IGF2BP2: variants seen among roughly 807,000 people sequenced by gnomAD.
IGF2BP2 encodes insulin like growth factor 2 mRNA binding protein 2, also known as insulin-like growth factor 2 mRNA-binding protein 2.
A neutral mutation model predicts 75.8 loss-of-function variants in IGF2BP2; 17 were observed. That is an observed-to-expected ratio of 0.22 (90% CI 0.15 to 0.34). The LOEUF is 0.34. IGF2BP2 is among the 10% of genes least tolerant of loss of function. The pLI is 1.00. For synonymous variants in IGF2BP2, 288 were observed against 295.6 expected (o/e 0.97, Z 0.26); for missense variants, 516 against 772.4 (o/e 0.67, Z 3.93).
At chr3:185,660,418 T>A (rs922642442) in intron 10 of IGF2BP2, among the ~76,000 whole-genome samples, 4 of 152,186 alleles carry the variant, frequency 2.6e-5, no homozygotes, top group African/African-American at 9.7e-5. Flanking sequence ...TATGACCCAT[T>A]AGGGACAAAA....
chr3:185,776,866 A>G (rs1014880025), intron 2 of IGF2BP2, among the ~76,000 whole-genome samples: 1 of 152,228 alleles, frequency 6.6e-6, no homozygotes, highest in Admixed American at 6.5e-5. Flanking sequence ...CTGTTTCACA[A>G]ATATTTGAGG....
chr3:185,726,142 C>T (rs898363669), intron 2 of IGF2BP2, among the ~76,000 whole-genome samples: 1 of 151,948 alleles, frequency 6.6e-6, no homozygotes, highest in Non-Finnish European at 1.5e-5. Context: ...ATTTCACGAA[C>T]AAGTTTTGGA....
chr3:185,783,457 A>C (rs759863095), intron 2 of IGF2BP2, among the ~76,000 whole-genome samples: 9 of 152,180 alleles, frequency 5.9e-5, no homozygotes, highest in Non-Finnish European at 1.0e-4. Context: ...AGGGCAGGAC[A>C]AAGAGTTCCC....
intron 2 of IGF2BP2, among the ~76,000 whole-genome samples, chr3:185,754,895 T>C (rs1025426918): frequency 2.6e-5 from 4 of 152,058 alleles, no homozygotes; most frequent in Non-Finnish European, 4.4e-5. Context: ...ACAATCAGAA[T>C]TGGGAACAAA....
intron 2 of IGF2BP2, among the ~76,000 whole-genome samples, chr3:185,765,982 C>T (rs993425750): frequency 4.6e-5 from 7 of 152,176 alleles, no homozygotes; most frequent in African/African-American, 1.7e-4. Flanking sequence ...TCTCCAAATG[C>T]AACTTTTCCC....
At chr3:185,699,354 C>G (rs1332020343) in intron 2 of IGF2BP2, among the ~76,000 whole-genome samples, 2 of 152,130 alleles carry the variant, frequency 1.3e-5, no homozygotes, top group African/African-American at 4.8e-5. Context: ...CAAAGTGTAC[C>G]TAGGCTCAAA....
chr3:185,747,853 T>TCTACTCTACTCCA (rs1730460224), intron 2 of IGF2BP2, among the ~76,000 whole-genome samples: 1 of 60,056 alleles, frequency 1.7e-5, no homozygotes, highest in African/African-American at 1.1e-4. Flanking sequence ...ACTCCAATTT[T>TCTACTCTACTCCA]ATTTTATTTT....
At chr3:185,818,507 A>G (rs1162651859) in intron 2 of IGF2BP2, among the ~76,000 whole-genome samples, 1 of 152,192 alleles carries the variant, frequency 6.6e-6, no homozygotes, top group East Asian at 1.9e-4. Context: ...TTCCAGAGCA[A>G]CTGTTGTTCA....
At chr3:185,668,646 ATAAT>A (rs955320361) in intron 10 of IGF2BP2, among the ~76,000 whole-genome samples, 147 of 151,064 alleles carry the variant, frequency 9.7e-4, no homozygotes, top group Non-Finnish European at 1.9e-3. Context: ...TTATATACAT[ATAAT>A]TATTTATGAC....
chr3:185,672,747 T>C (rs1718726750), intron 9 of IGF2BP2, 78 bp from the exon 10 acceptor site: 5 of 1,523,356 alleles, frequency 3.3e-6, no homozygotes, highest in Admixed American at 1.8e-5. Flanking sequence ...CTCCCTCTCT[T>C]GTCTTAATGG....
At chr3:185,703,425 A>G (rs1723579562) in intron 2 of IGF2BP2, among the ~76,000 whole-genome samples, 1 of 152,158 alleles carries the variant, frequency 6.6e-6, no homozygotes, top group Admixed American at 6.5e-5. Flanking sequence ...TTGTTGCTTA[A>G]AGTAAGGAGG....
At chr3:185,812,983 C>T in intron 2 of IGF2BP2, among the ~76,000 whole-genome samples, 1 of 152,122 alleles carries the variant, frequency 6.6e-6, no homozygotes, top group East Asian at 1.9e-4. Flanking sequence ...TTCTTGAAAC[C>T]ATTATTGAAA....
chr3:185,816,120 C>T (rs905189790), intron 2 of IGF2BP2, among the ~76,000 whole-genome samples: 4 of 152,320 alleles, frequency 2.6e-5, no homozygotes, highest in African/African-American at 9.6e-5. Flanking sequence ...AGAACCCACC[C>T]AGGAGATTCC....
intron 2 of IGF2BP2, among the ~76,000 whole-genome samples, chr3:185,778,219 A>G (rs1734764622): frequency 6.6e-6 from 1 of 152,172 alleles, no homozygotes; most frequent in South Asian, 2.1e-4. Flanking sequence ...CAAGGCCAGA[A>G]GCAACCCTGG....
At chr3:185,783,820 A>G (rs1560464061) in intron 2 of IGF2BP2, among the ~76,000 whole-genome samples, 1 of 152,196 alleles carries the variant, frequency 6.6e-6, no homozygotes, top group East Asian at 1.9e-4. Context: ...GTTTTAAAAT[A>G]TTTTTTGATA....
At chr3:185,649,671 C>G in intron 13 of IGF2BP2, 137 bp from the exon 14 acceptor site, 7 of 1,199,890 alleles carry the variant, frequency 5.8e-6, no homozygotes, top group Admixed American at 2.4e-5. Context: ...CAGGAAGCTG[C>G]GTGCCCCAGC....
At chr3:185,824,604 G>A (rs1297148259) in intron 1 of IGF2BP2, among the ~76,000 whole-genome samples, 179 bp downstream of exon 1, 1 of 151,678 alleles carries the variant, frequency 6.6e-6, no homozygotes, top group Admixed American at 6.6e-5. Flanking sequence ...GTGGGGGGAG[G>A]GGAGCGGGCC....
Position 185,644,488 on chromosome 3 carries a change from G to T in IGF2BP2, c.*1043C>A, listed in dbSNP as rs1325339684. 1 of 150,578 alleles carries T rather than the reference G, an allele frequency of 6.6e-6. No individual in the cohort carries two copies. Among genetic ancestry groups the T allele is most frequent in the Non-Finnish European group, 1.5e-5 (1 of 67,854 alleles). The allele number at this position is 150,578 out of a possible 1,614,324, so 9.3% of individuals were successfully genotyped here. On this transcript the variant is annotated 3_prime_UTR_variant, in exon 16 of 16. Transcript: ENST00000382199. ...CCAAAACGCTAGGACAAGTACCATT[G>T]ACTCTTGTTCTTTTGAGTAACCAAG...
In IGF2BP2 at chr3:185,714,729, C is replaced by T. The variant is rs527992421; in HGVS notation, c.240-16382G>A. ...TTGGGAGGCCAAGTCGAGAGGATTGCTTGAGCCCAGAAGTTTGAGCCCAGC... is the reference window on the plus strand; with the variant it reads ...TTGGGAGGCCAAGTCGAGAGGATTGTTTGAGCCCAGAAGTTTGAGCCCAGC... On this transcript the variant is annotated intron_variant, in intron 2 of 15. Transcript: ENST00000382199. Among the ~76,000 whole-genome samples, 10 of 152,316 alleles carry T rather than the reference C, an allele frequency of 6.6e-5. No individual in the cohort carries two copies. In the South Asian group the frequency reaches 2.1e-3, roughly 32 times the overall value.
Sources: allele counts gnomAD v4.1 joint callset (sites outside exome capture counted in the v4.1 genomes callset), GRCh38; gene constraint gnomAD v4.1.1; transcripts MANE v1.5; gene names NCBI Gene and HGNC (gene_info 2026-07-23, HGNC 2026-07-21).